Variants in MICU1 observed in about 807,000 individuals in gnomAD.
MICU1 encodes calcium uptake protein 1, mitochondrial.
A neutral mutation model predicts 56.8 loss-of-function variants in MICU1; 45 were observed. The observed-to-expected ratio is 0.79, with a 90% confidence interval of 0.62 to 1.02. The LOEUF (loss-of-function observed/expected upper bound fraction) is 1.02, where lower values mean the gene tolerates loss of function less well. Ranked by LOEUF, MICU1 falls within the 50% of genes least tolerant of loss-of-function variation. MICU1 has a pLI of 0.00. For synonymous variants in MICU1, 186 were observed against 195.1 expected (o/e 0.95, Z 0.39); for missense variants, 504 against 587.1 (o/e 0.86, Z 1.46).
chr10:72,589,224 G>A (rs1437610606), intron 1 of MICU1, among the ~76,000 whole-genome samples: 1 of 152,058 alleles, frequency 6.6e-6, no homozygotes, highest in African/African-American at 2.4e-5. Flanking sequence ...AGGAGGCGGA[G>A]GTTGCAGTGG....
At chr10:72,389,992 C>T (rs537001771) in intron 10 of MICU1, among the ~76,000 whole-genome samples, 87 of 152,222 alleles carry the variant, frequency 5.7e-4, no homozygotes, top group Non-Finnish European at 1.1e-3. Context: ...AAGTGCTAAA[C>T]GAAGAGACGC....
chr10:72,421,747 C>T (rs1164799474), intron 9 of MICU1, among the ~76,000 whole-genome samples: 7 of 152,190 alleles, frequency 4.6e-5, no homozygotes, highest in Non-Finnish European at 1.0e-4. Flanking sequence ...TCTATGCTTG[C>T]TCTTCTCCAA....
intron 1 of MICU1, among the ~76,000 whole-genome samples, chr10:72,569,413 T>A (rs1840551263): frequency 6.6e-6 from 1 of 150,670 alleles, no homozygotes. Context: ...TTTTGCATTT[T>A]TAATAGAGAT....
chr10:72,516,284 TA>T (rs1255210873), intron 5 of MICU1, among the ~76,000 whole-genome samples: 2 of 152,222 alleles, frequency 1.3e-5, no homozygotes, highest in Non-Finnish European at 2.9e-5. Flanking sequence ...TTGTTGGGGT[TA>T]TTTTTTTCTT....
rs558661432 is a variant in MICU1, at chr10:72,603,159, G to A, written c.-2+22851C>T. 6.6e-5 allele frequency among the ~76,000 whole-genome samples: 10 copies of A among 152,054 alleles called. No homozygotes were observed. The South Asian group carries it at 8.3e-4, about 13-fold the overall frequency. ...CCCCAGCACTTTGGAAGGCCAAGGCGGGTGATCACCTGAGGTCAGGAGTTC... is the reference window on the plus strand; with the variant it reads ...CCCCAGCACTTTGGAAGGCCAAGGCAGGTGATCACCTGAGGTCAGGAGTTC... On this transcript the variant is annotated intron_variant, in intron 1 of 11. Transcript: ENST00000361114.
At chr10:72,412,854 G>C (rs77460268) in intron 9 of MICU1, among the ~76,000 whole-genome samples, 1 of 77,032 alleles carries the variant, frequency 1.3e-5, no homozygotes, top group African/African-American at 3.5e-5. Flanking sequence ...TCTGTCTCCA[G>C]AAAAAAAAAA....
chr10:72,507,439 A>C (rs948196875), intron 6 of MICU1, among the ~76,000 whole-genome samples: 5 of 152,208 alleles, frequency 3.3e-5, no homozygotes, highest in African/African-American at 1.2e-4. Flanking sequence ...CTTCAGAAGT[A>C]TTCCTCCAAG....
intron 8 of MICU1, among the ~76,000 whole-genome samples, chr10:72,439,645 G>C (rs1039325126): frequency 6.6e-6 from 1 of 152,128 alleles, no homozygotes; most frequent in African/African-American, 2.4e-5. Flanking sequence ...TGTATATTTA[G>C]AAAACACCAC....
chr10:72,392,901 G>A (rs1863125462), intron 10 of MICU1, among the ~76,000 whole-genome samples: 1 of 152,264 alleles, frequency 6.6e-6, no homozygotes, highest in Non-Finnish European at 1.5e-5. Flanking sequence ...ACATCTGGGA[G>A]CATGGAAGGA....
intron 8 of MICU1, among the ~76,000 whole-genome samples, chr10:72,443,476 T>C (rs1229189900): frequency 6.6e-6 from 1 of 152,170 alleles, no homozygotes; most frequent in Non-Finnish European, 1.5e-5. Context: ...AATGCCTAGG[T>C]TTTCTTCTAG....
At chr10:72,414,006 C>T (rs1863905923) in intron 9 of MICU1, among the ~76,000 whole-genome samples, 1 of 152,114 alleles carries the variant, frequency 6.6e-6, no homozygotes, top group South Asian at 2.1e-4. Flanking sequence ...TGTGGAGAAA[C>T]TGGAACTCTC....
intron 5 of MICU1, among the ~76,000 whole-genome samples, chr10:72,514,348 T>C (rs947078499): frequency 1.3e-5 from 2 of 152,148 alleles, no homozygotes; most frequent in African/African-American, 4.8e-5. Flanking sequence ...TTTCTTTTTT[T>C]TTTCTTTCTG....
chr10:72,414,687 T>C (rs1412067120), intron 9 of MICU1, among the ~76,000 whole-genome samples: 1 of 152,216 alleles, frequency 6.6e-6, no homozygotes, highest in Admixed American at 6.5e-5. Flanking sequence ...AATGGATAAC[T>C]TATGGTATAT....
At chr10:72,389,247 CA>C (rs1251952290) in intron 10 of MICU1, among the ~76,000 whole-genome samples, 2 of 152,190 alleles carry the variant, frequency 1.3e-5, no homozygotes, top group African/African-American at 2.4e-5. Context: ...ACTTCCCCAA[CA>C]ATCCAGTTAG....
chr10:72,612,610 A>G (rs1841880176), intron 1 of MICU1, among the ~76,000 whole-genome samples: 1 of 152,144 alleles, frequency 6.6e-6, no homozygotes, highest in Non-Finnish European at 1.5e-5. Context: ...CACTCTGGGC[A>G]AGATAGCAAG....
rs1178409306 is a variant in MICU1, at chr10:72,616,531, G to A, written c.-2+9479C>T. Among the ~76,000 whole-genome samples the A allele has an allele frequency of 9.3e-5, 14 of 150,054 alleles. 1 individual carries two copies. The Admixed American group carries it at 9.4e-4, about 10-fold the overall frequency. On this transcript the variant is annotated intron_variant, in intron 1 of 11. Transcript: ENST00000361114. ...GAACCTGGGAGGCAGAGGTTGTGGTGAGCCGAGGTCACACCATTGCACTCC... is the reference window on the plus strand; with the variant it reads ...GAACCTGGGAGGCAGAGGTTGTGGTAAGCCGAGGTCACACCATTGCACTCC...
At chr10:72,609,623 A>G (rs961355798) in intron 1 of MICU1, among the ~76,000 whole-genome samples, 5 of 151,322 alleles carry the variant, frequency 3.3e-5, no homozygotes, top group Non-Finnish European at 7.4e-5. Context: ...AGTCCCAGCT[A>G]CTCGGGAGGC....
At chr10:72,416,012 A>G (rs975520114) in intron 9 of MICU1, among the ~76,000 whole-genome samples, 7 of 152,184 alleles carry the variant, frequency 4.6e-5, no homozygotes, top group Non-Finnish European at 8.8e-5. Flanking sequence ...TGTCTAGTAC[A>G]CAGAAAGTAC....
At chr10:72,607,233 C>T (rs557798852) in intron 1 of MICU1, among the ~76,000 whole-genome samples, 3 of 151,038 alleles carry the variant, frequency 2.0e-5, no homozygotes, top group African/African-American at 7.3e-5. Context: ...CCCAGCTACT[C>T]GGGAGGCTGA....
Sources: allele counts gnomAD v4.1 joint callset (sites outside exome capture counted in the v4.1 genomes callset), GRCh38; gene constraint gnomAD v4.1.1; transcripts MANE v1.5; gene names NCBI Gene and HGNC (gene_info 2026-07-23, HGNC 2026-07-21).